ZNF536: variants seen among roughly 807,000 people sequenced by gnomAD.
ZNF536 encodes zinc finger protein 536.
Under a neutral mutation model 84.5 loss-of-function variants are expected in ZNF536, and 13 were observed. That is an observed-to-expected ratio of 0.15 (90% CI 0.10 to 0.24). The LOEUF (loss-of-function observed/expected upper bound fraction) is 0.24. ZNF536 is among the 10% of genes least tolerant of loss of function. The probability of loss-of-function intolerance (pLI) is 1.00; values close to 1 mark genes in which losing one functional copy is unlikely to be tolerated. For missense variants in ZNF536, 1,536 were observed against 1,747.5 expected, an observed-to-expected ratio of 0.88 and a Z score of 2.16; for synonymous variants, 811 against 742.5, an observed-to-expected ratio of 1.09 and a Z score of -1.50.
chr19:30,485,161 A>AATAAATAC (rs1555779930), intron 2 of ZNF536, among the ~76,000 whole-genome samples: 2 of 151,776 alleles, frequency 1.3e-5, no homozygotes, highest in South Asian at 2.1e-4. Context: ...TAAATAAATA[A>AATAAATAC]ATAAATAAAT....
chr19:30,402,659 G>A (rs546687053), intron 1 of ZNF536, among the ~76,000 whole-genome samples: 14 of 151,588 alleles, frequency 9.2e-5, no homozygotes, highest in East Asian at 5.8e-4. Flanking sequence ...TGCAAACCGC[G>A]GCCGACGTGG....
rs111314225 is a variant in ZNF536 at position 30,404,598 on chromosome 19, T to C, written c.-3+32042T>C. 5.6e-3 allele frequency among the ~76,000 whole-genome samples: 858 copies of C among 152,284 alleles called. 10 individuals carry two copies. The highest frequency in any genetic ancestry group is 0.019 in the African/African-American group (805 of 41,554). ...TGAAGGCACTTAGAACAGGACTGAG[T>C]GCCCAGGAAGTACCACGTTAGTTAC... On this transcript the variant is annotated intron_variant, in intron 1 of 4. Coordinates refer to ENST00000355537, the MANE Select transcript of ZNF536 (RefSeq NM_014717.3).
At chr19:30,603,067 C>T (rs748177104) in intron 1 of ZNF536, among the ~76,000 whole-genome samples, 6 of 152,198 alleles carry the variant, frequency 3.9e-5, no homozygotes, top group Admixed American at 1.3e-4. Flanking sequence ...GCCCGTGTGA[C>T]GTTCTACCTT....
intron 2 of ZNF536, among the ~76,000 whole-genome samples, chr19:30,497,646 C>T (rs1370604473): frequency 6.6e-6 from 1 of 152,156 alleles, no homozygotes; most frequent in East Asian, 1.9e-4. Context: ...CAAGGGGGTG[C>T]CCCAGGGAAG....
intron 1 of ZNF536, among the ~76,000 whole-genome samples, chr19:30,579,456 G>A (rs988063226): frequency 6.6e-6 from 1 of 152,190 alleles, no homozygotes; most frequent in African/African-American, 2.4e-5. Context: ...GGGTTCCTTA[G>A]TTCTGTTCTG....
chr19:30,492,656 C>G (rs952338523), intron 2 of ZNF536, among the ~76,000 whole-genome samples: 7 of 152,180 alleles, frequency 4.6e-5, no homozygotes, highest in Admixed American at 4.6e-4. Flanking sequence ...AACGTATCCA[C>G]GAGACCACTG....
chr19:30,366,207 C>A (rs751607852), intron 3 of ZNF536, among the ~76,000 whole-genome samples: 1 of 152,160 alleles, frequency 6.6e-6, no homozygotes, highest in African/African-American at 2.4e-5. Context: ...ACACTGTGAG[C>A]GGCTGCTGGG....
At chr19:30,482,789 A>G (rs1255169239) in intron 2 of ZNF536, among the ~76,000 whole-genome samples, 1 of 152,122 alleles carries the variant, frequency 6.6e-6, no homozygotes, top group Non-Finnish European at 1.5e-5. Flanking sequence ...ATGTTCTATC[A>G]GTCCCTTGTC....
intron 1 of ZNF536, among the ~76,000 whole-genome samples, chr19:30,666,880 AC>A (rs1356653704): frequency 1.3e-5 from 2 of 151,952 alleles, no homozygotes; most frequent in East Asian, 3.9e-4. Flanking sequence ...ATTTTAAAAG[AC>A]TTATTCACAT....
intron 2 of ZNF536, among the ~76,000 whole-genome samples, chr19:30,491,522 A>T (rs1228222958): frequency 2.6e-5 from 4 of 152,210 alleles, no homozygotes; most frequent in Admixed American, 2.6e-4. Context: ...CTCCCAGAAC[A>T]AAGGGATCAG....
At chr19:30,355,798 C>A (rs7252237) in intron 3 of ZNF536, among the ~76,000 whole-genome samples, 48,869 of 151,878 alleles carry the variant, frequency 0.32, 7,950 homozygotes, top group Middle Eastern at 0.48. Flanking sequence ...TTGTGAACTG[C>A]GAATGTGAGG....
At chr19:30,281,582 G>C (rs898199929) in intron 1 of ZNF536, among the ~76,000 whole-genome samples, 1 of 144,054 alleles carries the variant, frequency 6.9e-6, no homozygotes, top group African/African-American at 2.4e-5. Flanking sequence ...ACAGGTGCTG[G>C]GAAGGGAGTC....
intron 2 of ZNF536, among the ~76,000 whole-genome samples, chr19:30,289,817 A>G (rs2145778072): frequency 6.6e-6 from 1 of 152,254 alleles, no homozygotes; most frequent in Middle Eastern, 3.4e-3. Context: ...CATCCAGCAC[A>G]CTGCCTGTGT....
chr19:30,350,284 G>A (rs557613294), intron 2 of ZNF536, among the ~76,000 whole-genome samples: 1 of 152,308 alleles, frequency 6.6e-6, no homozygotes, highest in East Asian at 1.9e-4. Flanking sequence ...GGATTAGTAA[G>A]CAGGTGAAAT....
intron 2 of ZNF536, among the ~76,000 whole-genome samples, chr19:30,307,275 T>C (rs1221657388): frequency 1.3e-5 from 2 of 151,894 alleles, no homozygotes; most frequent in African/African-American, 4.8e-5. Flanking sequence ...ATGTGAAATA[T>C]TGCCTTTTTT....
chr19:30,349,938 T>G (rs1410401208), intron 2 of ZNF536, among the ~76,000 whole-genome samples: 1 of 152,172 alleles, frequency 6.6e-6, no homozygotes, highest in African/African-American at 2.4e-5. Context: ...CAACTGAGGT[T>G]GTTAATGTGG....
intron 1 of ZNF536, among the ~76,000 whole-genome samples, chr19:30,408,833 TC>T (rs1449539912): frequency 6.7e-6 from 1 of 150,292 alleles, no homozygotes; most frequent in Non-Finnish European, 1.5e-5. Context: ...CTATCATCCA[TC>T]CATCTATATA....
intron 1 of ZNF536, among the ~76,000 whole-genome samples, chr19:30,610,601 T>G (rs1255607239): frequency 3.3e-5 from 5 of 152,180 alleles, no homozygotes; most frequent in Non-Finnish European, 5.9e-5. Flanking sequence ...AAGAAATGGA[T>G]CTTCATGTCA....
At chr19:30,447,481 A>G (rs1424275470) in intron 2 of ZNF536, among the ~76,000 whole-genome samples, 1 of 152,014 alleles carries the variant, frequency 6.6e-6, no homozygotes, top group Non-Finnish European at 1.5e-5. Flanking sequence ...CACACTGTCT[A>G]CTCCTGGAGT....
Sources: gnomAD v4.1 joint callset for allele counts (sites outside exome capture counted in the v4.1 genomes callset) on GRCh38, gnomAD v4.1.1 for gene constraint, MANE v1.5 for transcripts, NCBI Gene and HGNC (gene_info 2026-07-23, HGNC 2026-07-21) for gene names.